Variants in ATP2C1 observed in about 807,000 individuals in gnomAD.
ATP2C1 encodes the protein calcium-transporting ATPase type 2C member 1.
ATP2C1 carries 31 observed loss-of-function variants against 120.5 expected under a neutral mutation model. The observed-to-expected ratio is 0.26, with a 90% CI of 0.19 to 0.35. ATP2C1 has a LOEUF of 0.35. ATP2C1 is among the 10% of genes least tolerant of loss of function. The pLI, the probability that ATP2C1 is intolerant of heterozygous loss-of-function variation, is 1.00. For synonymous variants in ATP2C1, 351 were observed against 358.7 expected (o/e 0.98, Z 0.24); for missense variants, 731 against 1,107.5 (o/e 0.66, Z 4.83).
At chr3:130,865,604 A>C (rs2107738546) in intron 1 of ATP2C1, among the ~76,000 whole-genome samples, 1 of 152,302 alleles carries the variant, frequency 6.6e-6, no homozygotes, top group Non-Finnish European at 1.5e-5. Flanking sequence ...TAATTGAATC[A>C]TAGGGGCCAG....
chr3:130,880,939 A>G (rs2068761090), intron 1 of ATP2C1, among the ~76,000 whole-genome samples: 1 of 152,208 alleles, frequency 6.6e-6, no homozygotes, highest in South Asian at 2.1e-4. Context: ...GCCTGGAAGG[A>G]CAGGGGACAA....
intron 1 of ATP2C1, among the ~76,000 whole-genome samples, chr3:130,856,642 G>A (rs764093009): frequency 1.3e-5 from 2 of 152,162 alleles, no homozygotes; most frequent in Non-Finnish European, 2.9e-5. Context: ...TGTCCCCTTA[G>A]CCCCATGCTT....
In ATP2C1 at chr3:130,894,162, C is replaced by CCCCCCCAA; in HGVS notation, c.-356_-355insCCCCCCAA. 2.7e-6 allele frequency: 2 copies of CCCCCCCAA among 733,876 alleles called. No homozygotes were observed. Among genetic ancestry groups the CCCCCCCAA allele is most frequent in the Non-Finnish European group, 3.3e-6 (2 of 600,196 alleles). 45.5% of individuals were successfully genotyped at this position (733,876 alleles called of 1,614,324 possible). The stretch of plus-strand genomic sequence containing the variant: ...CCTCCTCTTCTCTCCCCTCCCCGCC[C>CCCCCCCAA]GCCCTCTCTCCCTCCCTTCCTCCCT... On this transcript the variant is annotated 5_prime_UTR_variant, in exon 1 of 28. Coordinates refer to ENST00000510168, the MANE Select transcript of ATP2C1 (RefSeq NM_001378687.1). This position sits in a 1 kb window ranked among gnomAD's most constrained non-coding sequence, Gnocchi z 4.5.
chr3:130,999,218 A>C (rs750908759), intron 26 of ATP2C1, among the ~76,000 whole-genome samples: 4 of 152,212 alleles, frequency 2.6e-5, no homozygotes, highest in Non-Finnish European at 4.4e-5. Flanking sequence ...AAATACAAAT[A>C]AAGTTTCTTG....
intron 14 of ATP2C1, 97 bp from the exon 15 acceptor site, chr3:130,967,048 A>C: frequency 1.1e-6 from 1 of 882,186 alleles, no homozygotes; most frequent in Non-Finnish European, 1.9e-6. Context: ...TATAAATAAA[A>C]TGAACAGAAC....
rs2062879130 is a variant in ATP2C1, at chr3:131,001,393, T to G, written c.*43T>G. The G allele has an allele frequency of 1.2e-6, 2 of 1,604,794 alleles. No homozygotes were observed. ...TATTTGCAAACTAGGAATTGCAGTC[T>G]GAGGATCATTTAGAAGGGCAAGTTC... On this transcript the variant is annotated 3_prime_UTR_variant, in exon 28 of 28. Coordinates refer to ENST00000510168, the MANE Select transcript of ATP2C1 (RefSeq NM_001378687.1).
chr3:130,985,658 CAA>C (rs199690345), intron 20 of ATP2C1, among the ~76,000 whole-genome samples: 2 of 132,044 alleles, frequency 1.5e-5, no homozygotes. Flanking sequence ...CCCGCCCCAC[CAA>C]AAAAAAAAAC....
chr3:130,949,082 A>G (rs948696946), intron 8 of ATP2C1, among the ~76,000 whole-genome samples: 4 of 152,150 alleles, frequency 2.6e-5, no homozygotes, highest in African/African-American at 2.4e-5. Context: ...TAAGTGTTCA[A>G]GTGAAAGGAA....
chr3:130,928,661 A>AC (rs1275382242), intron 2 of ATP2C1, among the ~76,000 whole-genome samples: 1 of 152,222 alleles, frequency 6.6e-6, no homozygotes, highest in Non-Finnish European at 1.5e-5. Context: ...TTGAGCTCTT[A>AC]CTAGTGGTAA....
In ATP2C1 at chr3:130,894,414, C is replaced by T; in HGVS notation, c.-181+77C>T. The T allele has an allele frequency of 5.6e-6, 7 of 1,240,412 alleles. No homozygotes were observed. Among genetic ancestry groups the T allele is most frequent in the Non-Finnish European group, 6.1e-6 (6 of 980,918 alleles). The allele number at this position is 1,240,412 out of a possible 1,614,324, so 76.8% of individuals were successfully genotyped here. A position where few individuals can be genotyped will look rare whatever the true frequency, so the allele number is the denominator to read the frequency against. Reference sequence around the variant, plus strand: ...GAAGGAAGGGGAGGTTCGGGTATCCCCTGGATGGGGGGGCATCTCTAGGGC... The same window carrying T: ...GAAGGAAGGGGAGGTTCGGGTATCCTCTGGATGGGGGGGCATCTCTAGGGC... On this transcript the variant is annotated intron_variant, in intron 1 of 27. Transcript: ENST00000510168. The surrounding 1 kb of genome is among the most constrained non-coding windows in gnomAD (Gnocchi z 4.5).
intron 11 of ATP2C1, 28 bp downstream of exon 11, chr3:130,956,207 T>TTTTA: frequency 6.9e-7 from 1 of 1,456,484 alleles, no homozygotes; most frequent in East Asian, 2.3e-5. Context: ...ATGTATATAT[T>TTTTA]TTTATTTGAG....
intron 8 of ATP2C1, among the ~76,000 whole-genome samples, chr3:130,943,599 A>G (rs1331043898): frequency 6.6e-6 from 1 of 152,170 alleles, no homozygotes; most frequent in Non-Finnish European, 1.5e-5. Flanking sequence ...CCTACTTGTT[A>G]ACTTTGCAAG....
At chr3:130,920,997 A>G (rs979960580) in intron 2 of ATP2C1, among the ~76,000 whole-genome samples, 3 of 150,484 alleles carry the variant, frequency 2.0e-5, no homozygotes, top group Non-Finnish European at 4.4e-5. Flanking sequence ...TGATTTTTAT[A>G]TGTTGATTTT....
At chr3:130,893,688 C>G (rs864873), upstream of ATP2C1, among the ~76,000 whole-genome samples, 137,818 of 152,272 alleles carry the variant, frequency 0.91, 62,600 homozygotes, top group Non-Finnish European at 0.95. Flanking sequence ...GGCCATGACT[C>G]TCAGCTTGGG....
At chr3:130,969,592 G>A (rs2061202387) in intron 17 of ATP2C1, among the ~76,000 whole-genome samples, 196 bp downstream of exon 17, 1 of 152,136 alleles carries the variant, frequency 6.6e-6, no homozygotes, top group Non-Finnish European at 1.5e-5. Flanking sequence ...TCCATGCATA[G>A]ATATATTCAT....
At chr3:130,965,548 C>T (rs559308176) in intron 14 of ATP2C1, among the ~76,000 whole-genome samples, 6 of 152,080 alleles carry the variant, frequency 3.9e-5, no homozygotes, top group Non-Finnish European at 8.8e-5. Flanking sequence ...GTCTCAAAGC[C>T]GTACATGTTC....
At chr3:130,883,945 C>CTTCTT (rs1559881483) in intron 1 of ATP2C1, among the ~76,000 whole-genome samples, 2 of 122,430 alleles carry the variant, frequency 1.6e-5, no homozygotes, top group Non-Finnish European at 3.3e-5. Flanking sequence ...TTCTTTTCTT[C>CTTCTT]TTTTTTTTTT....
chr3:130,923,930 CTT>C (rs1399769195), intron 2 of ATP2C1, among the ~76,000 whole-genome samples: 2 of 147,772 alleles, frequency 1.4e-5, no homozygotes, highest in Non-Finnish European at 3.0e-5. Context: ...CATGGAATAT[CTT>C]TTTCCATCCC....
chr3:130,971,778 C>T (rs901732320), intron 17 of ATP2C1, among the ~76,000 whole-genome samples: 1 of 152,108 alleles, frequency 6.6e-6, no homozygotes, highest in African/African-American at 2.4e-5. Context: ...TTCCTTTACC[C>T]CTGTGGAACA....
Sources: gnomAD v4.1 joint callset for allele counts (sites outside exome capture counted in the v4.1 genomes callset) on GRCh38, gnomAD v4.1.1 for gene constraint, Gnocchi (gnomAD v3.1) non-coding constraint, MANE v1.5 for transcripts, NCBI Gene and HGNC (gene_info 2026-07-23, HGNC 2026-07-21) for gene names.